KIAA1671: variants seen among roughly 807,000 people sequenced by gnomAD.
The protein encoded by KIAA1671 is KIAA1671, also known as uncharacterized protein KIAA1671.
A neutral mutation model predicts 131.2 loss-of-function variants in KIAA1671; 52 were observed. The ratio of observed to expected loss-of-function variants is 0.40; its 90% CI spans 0.32 to 0.50. KIAA1671 has a LOEUF of 0.50. Among genes scored for constraint, KIAA1671 ranks in the 20% least tolerant of loss-of-function variants. The pLI is 0.73. For missense variants in KIAA1671, 2,360 were observed against 2,364.2 expected, an observed-to-expected ratio of 1.00 and a Z score of 0.04; for synonymous variants, 1,003 against 961.6, an observed-to-expected ratio of 1.04 and a Z score of -0.80.
intron 1 of KIAA1671, among the ~76,000 whole-genome samples, chr22:25,019,050 T>TTGTGTG (rs377368958): frequency 0.032 from 4,589 of 144,162 alleles, 120 homozygotes; most frequent in African/African-American, 0.07. Context: ...AATAGTTGTT[T>TTGTGTG]TGTGTGTGTG....
chr22:25,088,486 C>T (rs367552266), intron 6 of KIAA1671, among the ~76,000 whole-genome samples: 1 of 152,168 alleles, frequency 6.6e-6, no homozygotes, highest in African/African-American at 2.4e-5. Context: ...GAGGTGCGGC[C>T]ACCACATTCC....
In KIAA1671 at chr22:25,028,287, G is replaced by C; in HGVS notation, c.288G>C (p.Gly96=). ...CGACTGGACCTTCCCCCTCTGGGGG[G>C]CTCTCTGAGGAGCCAGCAGCAAAGG... ...PSSTGPSPSG[G]LSEEPAAKDL... Residue 96 remains glycine, a synonymous_variant, in exon 3 of 13, where the codon GGG becomes GGC. Coordinates refer to ENST00000358431, the MANE Select transcript of KIAA1671 (RefSeq NM_001145206.2). 1 of 1,551,294 alleles carries C rather than the reference G, an allele frequency of 6.4e-7. No individual in the cohort carries two copies. Among genetic ancestry groups the C allele is most frequent in the Non-Finnish European group, 8.7e-7 (1 of 1,147,006 alleles).
chr22:25,156,164 A>G (rs1315832703), intron 6 of KIAA1671, among the ~76,000 whole-genome samples: 1 of 150,992 alleles, frequency 6.6e-6, no homozygotes, highest in Non-Finnish European at 1.5e-5. Context: ...CTGGGACTAC[A>G]GGCACCCGCC....
At chr22:24,973,141 G>T (rs746634470) in intron 1 of KIAA1671, among the ~76,000 whole-genome samples, 10 of 152,204 alleles carry the variant, frequency 6.6e-5, no homozygotes, top group Non-Finnish European at 1.5e-4. Context: ...GCAGGGCAAT[G>T]TGGGGTTCAT....
At chr22:25,093,718 CACACACACACACACA>C (rs1930142983) in intron 6 of KIAA1671, among the ~76,000 whole-genome samples, 1 of 124,720 alleles carries the variant, frequency 8.0e-6, no homozygotes, top group African/African-American at 4.6e-5. Flanking sequence ...CACACACACA[CACACACACACACACA>C]CACACTCTCT....
intron 1 of KIAA1671, among the ~76,000 whole-genome samples, chr22:24,963,974 G>A (rs1922158958): frequency 6.6e-6 from 1 of 150,884 alleles, no homozygotes; most frequent in Non-Finnish European, 1.5e-5. Flanking sequence ...GGAGATAACT[G>A]AGGCTGCCAC....
intron 3 of KIAA1671, among the ~76,000 whole-genome samples, chr22:25,030,992 T>C (rs1419386197): frequency 1.3e-5 from 2 of 152,218 alleles, no homozygotes; most frequent in Non-Finnish European, 2.9e-5. Flanking sequence ...CCGATTCACT[T>C]GGTCTGGGGA....
At chr22:25,099,229 C>T (rs1250978506) in intron 6 of KIAA1671, among the ~76,000 whole-genome samples, 1 of 148,366 alleles carries the variant, frequency 6.7e-6, no homozygotes, top group African/African-American at 2.5e-5. Context: ...CATATGTTAC[C>T]ACCACTGGTA....
chr22:25,122,693 G>T, intron 6 of KIAA1671, among the ~76,000 whole-genome samples: 1 of 152,134 alleles, frequency 6.6e-6, no homozygotes, highest in East Asian at 1.9e-4. Flanking sequence ...AGTCATTATT[G>T]GCCGGTTGCA....
At chr22:25,015,731 A>G (rs182771463) in intron 1 of KIAA1671, among the ~76,000 whole-genome samples, 683 of 55,812 alleles carry the variant, frequency 0.012, 2 homozygotes, top group African/African-American at 0.034. Flanking sequence ...TCTGTGGGTA[A>G]TGGGTGTGTC....
Position 25,135,176 on chromosome 22 carries a change from G to C in KIAA1671, c.4531-35644G>C, listed in dbSNP as rs531791494. On this transcript the variant is annotated intron_variant, in intron 6 of 12. Coordinates refer to ENST00000358431, the MANE Select transcript of KIAA1671 (RefSeq NM_001145206.2). ...TAGTGCCAGTGGCTTTCCCTGCATG[G>C]ATTTTGCGATTTTAGTTTTGTTTTG... Among the ~76,000 whole-genome samples the C allele has an allele frequency of 9.2e-5, 14 of 152,208 alleles. No individual in the cohort carries two copies. In the South Asian group the frequency reaches 2.9e-3, roughly 32 times the overall value.
At chr22:25,107,657 G>C (rs191736528) in intron 6 of KIAA1671, among the ~76,000 whole-genome samples, 26 of 151,618 alleles carry the variant, frequency 1.7e-4, no homozygotes, top group Admixed American at 1.4e-3. Flanking sequence ...CAAAGAGCTG[G>C]GATTACAGGT....
chr22:25,067,074 G>C (rs1053138374), intron 6 of KIAA1671, among the ~76,000 whole-genome samples: 1 of 152,162 alleles, frequency 6.6e-6, no homozygotes, highest in African/African-American at 2.4e-5. Flanking sequence ...AGGGCGGCCA[G>C]AGCAGGATAA....
rs147694172 is a variant in KIAA1671 at position 24,957,746 on chromosome 22, C to T, written c.-208+4974C>T. Among the ~76,000 whole-genome samples the T allele has an allele frequency of 3.2e-3, 431 of 136,060 alleles. 6 individuals carry two copies. The highest frequency in any genetic ancestry group is 0.012 in the African/African-American group (412 of 34,878). The allele number at this position is 136,060 out of a possible 152,430, so 89.3% of individuals were successfully genotyped here. On this transcript the variant is annotated intron_variant, in intron 1 of 12. Transcript: ENST00000358431. ...ATGCTGGAGTGCAATGGCAGGATCT[C>T]GGCTTACTGCAGCCTCCACCTCCTG... is the stretch of plus-strand genomic sequence containing the variant.
At chr22:25,180,546 A>G (rs1367849248) in intron 9 of KIAA1671, among the ~76,000 whole-genome samples, 2 of 152,142 alleles carry the variant, frequency 1.3e-5, no homozygotes, top group South Asian at 2.1e-4. Flanking sequence ...CAAAAAAAAA[A>G]AAGAAGAAAA....
rs752639026 is a variant in KIAA1671, at chr22:25,193,982, G to T, written c.*1581G>T. The T allele has an allele frequency of 6.6e-6, 1 of 152,122 alleles. No individual in the cohort carries two copies. The highest frequency in any genetic ancestry group is 6.6e-5 in the Admixed American group (1 of 15,266). The allele number at this position is 152,122 out of a possible 1,614,324, so 9.4% of individuals were successfully genotyped here. ...ATTCATGCCTGCAACTGCTTCAGTC[G>T]AATTCTTTTTTAAAGATCCAGTTTA... is the stretch of plus-strand genomic sequence containing the variant. On this transcript the variant is annotated 3_prime_UTR_variant, in exon 13 of 13. Transcript: ENST00000358431.
chr22:25,153,456 A>G (rs1265995973), intron 6 of KIAA1671, among the ~76,000 whole-genome samples: 1 of 152,168 alleles, frequency 6.6e-6, no homozygotes, highest in African/African-American at 2.4e-5. Context: ...ATGGTTGGGA[A>G]ACCCCATCCT....
intron 1 of KIAA1671, among the ~76,000 whole-genome samples, chr22:24,990,946 C>T (rs1279382422): frequency 6.6e-6 from 1 of 152,096 alleles, no homozygotes; most frequent in Non-Finnish European, 1.5e-5. Flanking sequence ...CCACACTGTC[C>T]CACCCCTGGC....
chr22:25,178,919 G>T (rs1934150209), intron 9 of KIAA1671, among the ~76,000 whole-genome samples: 3 of 152,226 alleles, frequency 2.0e-5, no homozygotes, highest in Admixed American at 1.3e-4. Context: ...TCGCCTGCTG[G>T]CCAGGGGCGC....
Sources: gnomAD v4.1 joint callset for allele counts (sites outside exome capture counted in the v4.1 genomes callset) on GRCh38, gnomAD v4.1.1 for gene constraint, MANE v1.5 for transcripts, NCBI Gene and HGNC (gene_info 2026-07-23, HGNC 2026-07-21) for gene names.